The following NWD2 variants were observed in gnomAD, a reference collection of about 807,000 sequenced individuals.
The protein encoded by NWD2 is NACHT and WD repeat domain-containing protein 2.
Under a neutral mutation model 132.7 loss-of-function variants are expected in NWD2, and 37 were observed. The ratio of observed to expected loss-of-function variants is 0.28; its 90% CI spans 0.21 to 0.37. The LOEUF (loss-of-function observed/expected upper bound fraction) is 0.37, where lower values mean the gene tolerates loss of function less well. NWD2 is among the 10% of genes least tolerant of loss of function. The pLI is 1.00. For synonymous variants in NWD2, 705 were observed against 803.0 expected (o/e 0.88, Z 2.06); for missense variants, 1,592 against 2,122.4 (o/e 0.75, Z 4.91).
intron 3 of NWD2, among the ~76,000 whole-genome samples, chr4:37,428,088 C>T (rs915167127): frequency 3.3e-5 from 5 of 152,218 alleles, no homozygotes; most frequent in African/African-American, 1.2e-4. Flanking sequence ...TCTGGCCTCT[C>T]CCTCAGAGAG....
At chr4:37,309,776 G>T (rs1718793098) in intron 1 of NWD2, among the ~76,000 whole-genome samples, 1 of 152,122 alleles carries the variant, frequency 6.6e-6, no homozygotes, top group South Asian at 2.1e-4. Context: ...CAATCCCAGG[G>T]CTCTTCCTTC....
Position 37,310,864 on chromosome 4 carries a change from A to G in NWD2, c.152-15072A>G, listed in dbSNP as rs191448967. ...TGTTCTCATTGTTCAATTCCCACCT[A>G]TGAGTGAGAACCTGCAGTGTTTGGT... On this transcript the variant is annotated intron_variant, in intron 1 of 6. Coordinates refer to ENST00000309447, the MANE Select transcript of NWD2 (RefSeq NM_001144990.2). 6.1e-3 allele frequency among the ~76,000 whole-genome samples: 844 copies of G among 138,760 alleles called. 7 individuals are homozygous for G. The highest frequency in any genetic ancestry group is 0.022 in the African/African-American group (810 of 37,154). The allele number at this position is 138,760 out of a possible 152,430, so 91.0% of individuals were successfully genotyped here. A position where few individuals can be genotyped will look rare whatever the true frequency, so the allele number is the denominator to read the frequency against.
chr4:37,327,756 A>C (rs957449865), intron 2 of NWD2, among the ~76,000 whole-genome samples: 2 of 152,050 alleles, frequency 1.3e-5, no homozygotes, highest in Non-Finnish European at 2.9e-5. Flanking sequence ...CTCCCTAAGG[A>C]TATATTTTTT....
In NWD2 at chr4:37,253,148, T is replaced by C. The variant is rs555154846; in HGVS notation, c.151+7930T>C. On this transcript the variant is annotated intron_variant, in intron 1 of 6. Transcript: ENST00000309447. ...AATAATTATTGTCATCATTACTATGTGTTATTGAAAACTGAGAATAACTCA... is the reference window on the plus strand; with the variant it reads ...AATAATTATTGTCATCATTACTATGCGTTATTGAAAACTGAGAATAACTCA... 7.9e-4 allele frequency among the ~76,000 whole-genome samples: 121 copies of C among 152,308 alleles called. 1 individual carries two copies. Among genetic ancestry groups the C allele is most frequent in the Non-Finnish European group, 7.4e-5 (5 of 68,020 alleles).
At chr4:37,385,108 G>A (rs189363992) in intron 3 of NWD2, among the ~76,000 whole-genome samples, 11 of 152,280 alleles carry the variant, frequency 7.2e-5, no homozygotes, top group Admixed American at 7.2e-4. Flanking sequence ...ATGGAGTGAT[G>A]TAGACACCTG....
intron 2 of NWD2, among the ~76,000 whole-genome samples, chr4:37,334,386 G>A (rs1192440297): frequency 6.6e-6 from 1 of 152,166 alleles, no homozygotes; most frequent in Non-Finnish European, 1.5e-5. Context: ...TCCATCCTCA[G>A]CCTGTGCTTG....
intron 1 of NWD2, among the ~76,000 whole-genome samples, chr4:37,296,666 T>A (rs1718501516): frequency 6.6e-6 from 1 of 151,996 alleles, no homozygotes; most frequent in Non-Finnish European, 1.5e-5. Context: ...CAGAGTGATA[T>A]AATAGACCTT....
chr4:37,319,506 T>C (rs1479741349), intron 1 of NWD2, among the ~76,000 whole-genome samples: 2 of 152,212 alleles, frequency 1.3e-5, no homozygotes, highest in African/African-American at 4.8e-5. Context: ...ATTTTTGTTT[T>C]TGTTGCAGTT....
intron 3 of NWD2, among the ~76,000 whole-genome samples, chr4:37,357,860 ACT>A (rs548485921): frequency 5.8e-4 from 89 of 152,146 alleles, no homozygotes; most frequent in African/African-American, 2.1e-3. Context: ...TGATAAGGTG[ACT>A]CTGAAGGGGA....
At chr4:37,315,553 T>C (rs925993930) in intron 1 of NWD2, among the ~76,000 whole-genome samples, 1 of 152,148 alleles carries the variant, frequency 6.6e-6, no homozygotes, top group African/African-American at 2.4e-5. Context: ...GCATATCTTC[T>C]ATCCTTTTAC....
At chr4:37,340,818 A>T (rs1250870947) in intron 2 of NWD2, among the ~76,000 whole-genome samples, 1 of 152,234 alleles carries the variant, frequency 6.6e-6, no homozygotes, top group Non-Finnish European at 1.5e-5. Flanking sequence ...AACTTGTTCA[A>T]TCCTTGCCAT....
intron 1 of NWD2, among the ~76,000 whole-genome samples, chr4:37,313,235 T>G (rs1421861962): frequency 6.6e-6 from 1 of 151,178 alleles, no homozygotes; most frequent in Non-Finnish European, 1.5e-5. Flanking sequence ...CTGGTAGAAT[T>G]CGGCTGTGAA....
chr4:37,404,855 A>G (rs28473232), intron 3 of NWD2, among the ~76,000 whole-genome samples: 25,544 of 152,108 alleles, frequency 0.17, 2,700 homozygotes, highest in Non-Finnish European at 0.23. Flanking sequence ...ACACACTTAT[A>G]AACAACCAGA....
intron 1 of NWD2, 29 bp downstream of exon 1, chr4:37,245,247 C>T (rs778038077): frequency 4.6e-6 from 7 of 1,512,034 alleles, no homozygotes; most frequent in Non-Finnish European, 6.2e-6. Flanking sequence ...TTTGCCCGTC[C>T]GTCCTTCTGT....
intron 1 of NWD2, among the ~76,000 whole-genome samples, chr4:37,277,652 G>A (rs180774721): frequency 2.0e-5 from 3 of 151,778 alleles, no homozygotes; most frequent in African/African-American, 7.3e-5. Context: ...TCTAAAAAAT[G>A]GTTTCCTTTT....
intron 1 of NWD2, among the ~76,000 whole-genome samples, chr4:37,254,133 G>C (rs1011960875): frequency 5.9e-5 from 9 of 152,136 alleles, no homozygotes; most frequent in African/African-American, 2.2e-4. Context: ...GAAATAATCT[G>C]TACAACCAAC....
intron 2 of NWD2, among the ~76,000 whole-genome samples, chr4:37,347,808 T>C (rs888134867): frequency 6.6e-6 from 1 of 152,208 alleles, no homozygotes; most frequent in African/African-American, 2.4e-5. Flanking sequence ...CATTTTTTAT[T>C]TGCTCTAAAT....
chr4:37,423,840 G>A (rs1001316279), intron 3 of NWD2, among the ~76,000 whole-genome samples: 1 of 152,098 alleles, frequency 6.6e-6, no homozygotes, highest in Non-Finnish European at 1.5e-5. Flanking sequence ...CTTTCTACTT[G>A]TGACATGAGA....
intron 3 of NWD2, among the ~76,000 whole-genome samples, chr4:37,360,780 A>T (rs1298231518): frequency 6.6e-6 from 1 of 152,166 alleles, no homozygotes; most frequent in Non-Finnish European, 1.5e-5. Flanking sequence ...TTCTCTCATT[A>T]TCTCATCCCC....
Sources: gnomAD v4.1 joint callset for allele counts (sites outside exome capture counted in the v4.1 genomes callset) on GRCh38, gnomAD v4.1.1 for gene constraint, MANE v1.5 for transcripts, NCBI Gene and HGNC (gene_info 2026-07-23, HGNC 2026-07-21) for gene names.